The following DLGAP1 variants were observed in gnomAD, a reference collection of about 807,000 sequenced individuals.
DLGAP1 encodes the protein disks large-associated protein 1.
In DLGAP1, 11 loss-of-function variants were observed where a neutral mutation model predicts 90.8. The ratio of observed to expected loss-of-function variants is 0.12; its 90% CI spans 0.08 to 0.20. The LOEUF (loss-of-function observed/expected upper bound fraction) is 0.20, where lower values mean the gene tolerates loss of function less well. Among genes scored for constraint, DLGAP1 ranks in the 10% least tolerant of loss-of-function variants. DLGAP1 has a pLI of 1.00. For missense variants in DLGAP1, 1,050 were observed against 1,333.8 expected (o/e 0.79, Z 3.31); for synonymous variants, 558 against 540.7 (o/e 1.03, Z -0.44).
intron 1 of DLGAP1, among the ~76,000 whole-genome samples, chr18:4,244,237 G>T (rs2078606828): frequency 2.0e-5 from 3 of 152,152 alleles, no homozygotes; most frequent in Admixed American, 2.0e-4. Flanking sequence ...CTACGTAGGA[G>T]GGGAAGATGC....
At chr18:4,241,432 T>C (rs1282924442) in intron 1 of DLGAP1, among the ~76,000 whole-genome samples, 2 of 152,198 alleles carry the variant, frequency 1.3e-5, no homozygotes, top group Non-Finnish European at 2.9e-5. Context: ...TCATTTCCTG[T>C]CAGTTATGAT....
In DLGAP1 at chr18:4,119,230, T is replaced by C. The variant is rs374632516; in HGVS notation, c.-159+31950A>G. Reference sequence around the variant, plus strand: ...CCTCAGCCTCCCCTGCAGCTGGGACTATAGGCATGTGCCACCATGTCTGGT... The same window carrying C: ...CCTCAGCCTCCCCTGCAGCTGGGACCATAGGCATGTGCCACCATGTCTGGT... On this transcript the variant is annotated intron_variant, in intron 2 of 12. Coordinates refer to ENST00000315677, the MANE Select transcript of DLGAP1 (RefSeq NM_004746.4). Among the ~76,000 whole-genome samples the C allele has an allele frequency of 1.2e-4, 18 of 152,294 alleles. No individual in the cohort carries two copies. In the South Asian group the frequency reaches 3.1e-3, roughly 26 times the overall value.
At chr18:4,068,957 A>G (rs1470433167) in intron 2 of DLGAP1, among the ~76,000 whole-genome samples, 1 of 152,066 alleles carries the variant, frequency 6.6e-6, no homozygotes, top group African/African-American at 2.4e-5. Flanking sequence ...CAAGGCTAGG[A>G]GTTCTGGAGT....
chr18:3,792,735 C>T (rs7226454), intron 5 of DLGAP1, among the ~76,000 whole-genome samples: 33,939 of 151,950 alleles, frequency 0.22, 3,846 homozygotes, highest in Admixed American at 0.25. Context: ...TGTGTCAGCC[C>T]AGATTGAGCC....
At chr18:4,142,764 T>G (rs1235811959) in intron 2 of DLGAP1, among the ~76,000 whole-genome samples, 1 of 152,150 alleles carries the variant, frequency 6.6e-6, no homozygotes, top group Non-Finnish European at 1.5e-5. Flanking sequence ...ATTCATAAAT[T>G]TGAGTATTAT....
intron 5 of DLGAP1, among the ~76,000 whole-genome samples, chr18:3,791,475 T>C (rs1441889175): frequency 6.6e-6 from 1 of 152,154 alleles, no homozygotes; most frequent in African/African-American, 2.4e-5. Context: ...GTCTGCACTG[T>C]ATGATGCCAT....
At chr18:4,202,492 A>G (rs1031590856) in intron 1 of DLGAP1, among the ~76,000 whole-genome samples, 3 of 152,246 alleles carry the variant, frequency 2.0e-5, no homozygotes, top group Non-Finnish European at 4.4e-5. Flanking sequence ...ATTGAAATAA[A>G]AATGTTTTGA....
chr18:4,452,648 GC>G (rs1426757292), intron 1 of DLGAP1, among the ~76,000 whole-genome samples: 1 of 152,088 alleles, frequency 6.6e-6, no homozygotes, highest in Non-Finnish European at 1.5e-5. Flanking sequence ...TTCTCTATAT[GC>G]GCTACATAAT....
At chr18:3,656,802 G>A (rs2059502026) in intron 7 of DLGAP1, among the ~76,000 whole-genome samples, 1 of 151,608 alleles carries the variant, frequency 6.6e-6, no homozygotes, top group African/African-American at 2.4e-5. Context: ...GCGCAATCTC[G>A]GATCTTGGAT....
intron 1 of DLGAP1, among the ~76,000 whole-genome samples, chr18:4,269,333 CATATATATAT>C (rs66677805): frequency 7.2e-6 from 1 of 139,786 alleles, no homozygotes; most frequent in African/African-American, 2.7e-5. Context: ...TTTATATATA[CATATATATAT>C]ATATATATAT....
chr18:3,728,300 T>TTATATATATATATATATATATA (rs200480157), intron 7 of DLGAP1, among the ~76,000 whole-genome samples: 5 of 123,646 alleles, frequency 4.0e-5, no homozygotes, highest in African/African-American at 1.7e-4. Context: ...AACGCAAATG[T>TTATATATATATATATATATATA]TATATATATA....
chr18:3,535,874 A>T (rs976246254), intron 9 of DLGAP1, among the ~76,000 whole-genome samples: 1 of 151,928 alleles, frequency 6.6e-6, no homozygotes, highest in African/African-American at 2.4e-5. Flanking sequence ...TCTACTAAAA[A>T]TACAAAAAAA....
At chr18:3,939,305 G>C (rs1466171237) in intron 3 of DLGAP1, among the ~76,000 whole-genome samples, 3 of 150,850 alleles carry the variant, frequency 2.0e-5, no homozygotes, top group Non-Finnish European at 4.4e-5. Flanking sequence ...TGTAACCCCA[G>C]CTACTCAGAA....
At chr18:3,906,711 C>T (rs1277206254) in intron 3 of DLGAP1, among the ~76,000 whole-genome samples, 1 of 152,064 alleles carries the variant, frequency 6.6e-6, no homozygotes, top group Non-Finnish European at 1.5e-5. Flanking sequence ...GTGGGTGAGA[C>T]CAATGTAAAT....
chr18:3,733,778 AAGTC>A (rs1450974811), intron 6 of DLGAP1, among the ~76,000 whole-genome samples: 2 of 152,180 alleles, frequency 1.3e-5, no homozygotes, highest in Non-Finnish European at 2.9e-5. Context: ...TTATACTTGA[AAGTC>A]AGTTTTTCTG....
rs139158579 is a variant in DLGAP1 at position 3,866,880 on chromosome 18, T to C, written c.957+12232A>G. On this transcript the variant is annotated intron_variant, in intron 4 of 12. Coordinates refer to ENST00000315677, the MANE Select transcript of DLGAP1 (RefSeq NM_004746.4). ...TATATATATTTTTTGAGACAAAGTCTTGCTGTGTCACCCAGGATGGAGTGC... is the reference window on the plus strand; with the variant it reads ...TATATATATTTTTTGAGACAAAGTCCTGCTGTGTCACCCAGGATGGAGTGC... 8.1e-3 allele frequency among the ~76,000 whole-genome samples: 1,236 copies of C among 152,314 alleles called. 55 individuals are homozygous for C. The highest frequency in any genetic ancestry group is 0.065 in the Admixed American group (996 of 15,294).
At chr18:3,865,947 T>C (rs1329441861) in intron 4 of DLGAP1, among the ~76,000 whole-genome samples, 1 of 152,152 alleles carries the variant, frequency 6.6e-6, no homozygotes, top group African/African-American at 2.4e-5. Flanking sequence ...GGATCCAGCA[T>C]GGGATGGAGA....
At chr18:4,394,679 C>T (rs2044965439) in intron 1 of DLGAP1, among the ~76,000 whole-genome samples, 1 of 152,112 alleles carries the variant, frequency 6.6e-6, no homozygotes. Flanking sequence ...AATACAAATT[C>T]CTATGCCAGT....
At chr18:3,571,056 C>CA (rs960994110) in intron 8 of DLGAP1, among the ~76,000 whole-genome samples, 74 of 151,902 alleles carry the variant, frequency 4.9e-4, no homozygotes, top group Middle Eastern at 3.4e-3. Flanking sequence ...TAGCCTCCAC[C>CA]AAGTGATAAA....
Sources: allele counts gnomAD v4.1 joint callset (sites outside exome capture counted in the v4.1 genomes callset), GRCh38; gene constraint gnomAD v4.1.1; transcripts MANE v1.5; gene names NCBI Gene and HGNC (gene_info 2026-07-23, HGNC 2026-07-21).